CTAGE1: variants seen among roughly 807,000 people sequenced by gnomAD.
CTAGE1 encodes the protein cutaneous T cell lymphoma-associated antigen 1.
For synonymous variants in CTAGE1, 332 were observed against 302.8 expected (o/e 1.10, Z -1.00); for missense variants, 963 against 855.9 (o/e 1.13, Z -1.56).
rs756876468 is a variant in CTAGE1, at chr18:22,417,616, A to G, written c.196T>C (p.Phe66Leu). 4 of 1,614,000 alleles carry G rather than the reference A, an allele frequency of 2.5e-6. No individual in the cohort carries two copies. The highest frequency in any genetic ancestry group is 3.4e-6 in the Non-Finnish European group (4 of 1,179,876). Residue 66 changes from phenylalanine to leucine, a missense_variant, in exon 1 of 1, where the codon TTT (phenylalanine) becomes CTT (leucine). Coordinates refer to ENST00000391403, the MANE Select transcript of CTAGE1 (RefSeq NM_172241.3). ...TCATACTCTTTTTGAACAAGGCTAAATTTTTCAAGTAGTTTACATTTTTCT... is the reference window on the plus strand; with the variant it reads ...TCATACTCTTTTTGAACAAGGCTAAGTTTTTCAAGTAGTTTACATTTTTCT... ...IEEKCKLLEK[F>L]SLVQKEYEGY...
rs1310311893 is a variant in CTAGE1 at position 22,415,025 on chromosome 18, T to C, written c.*549A>G. 1.9e-6 allele frequency: 1 copy of C among 540,396 alleles called. No individual in the cohort carries two copies. The highest frequency in any genetic ancestry group is 1.9e-5 in the African/African-American group (1 of 52,830). The allele number at this position is 540,396 out of a possible 1,614,324, so 33.5% of individuals were successfully genotyped here. A position where few individuals can be genotyped will look rare whatever the true frequency, so the allele number is the denominator to read the frequency against. On this transcript the variant is annotated 3_prime_UTR_variant, in exon 1 of 1. Transcript: ENST00000391403. ...GACAGGAGATCCAAGATCATCTTGG[T>C]TTAAAGTGAAATATTCTAACAGTTA...
At position 22,415,488 on chromosome 18, in the gene CTAGE1, T is replaced by G; in HGVS notation, c.*86A>C. The stretch of plus-strand genomic sequence containing the variant: ...TTACTTTTGAAGAGGGCAAACATGT[T>G]GTTAGGTTTCTTGCTGTCGTTCTGG... On this transcript the variant is annotated 3_prime_UTR_variant, in exon 1 of 1. Transcript: ENST00000391403. The G allele has an allele frequency of 1.8e-6, 2 of 1,125,434 alleles. No homozygotes were observed. The highest frequency in any genetic ancestry group is 2.1e-4 in the Middle Eastern group (1 of 4,860). 69.7% of individuals were successfully genotyped at this position (1,125,434 alleles called of 1,614,324 possible).
chr18:22,416,599 C>A lies in CTAGE1; in HGVS notation c.1213G>T (p.Ala405Ser). Residue 405 changes from alanine (A) to serine (S), a missense_variant, in exon 1 of 1, where the codon GCC (alanine) becomes TCC (serine). Ala to Ser is a moderately conservative substitution (Grantham distance 99, BLOSUM62 1). Transcript: ENST00000391403. ...TTCTCAAATTCTTTAAGATCTTTGGCTCGCTTTCGGTAGGTCTCCAGCTCT... is the reference window on the plus strand; with the variant it reads ...TTCTCAAATTCTTTAAGATCTTTGGATCGCTTTCGGTAGGTCTCCAGCTCT... ...TEELETYRKR[A>S]KDLKEFEKTI... 1 of 1,610,784 alleles carries A rather than the reference C, an allele frequency of 6.2e-7. No homozygotes were observed. Among genetic ancestry groups the A allele is most frequent in the Non-Finnish European group, 8.5e-7 (1 of 1,179,422 alleles).
chr18:22,415,267 G>A lies in CTAGE1; in HGVS notation c.*307C>T, dbSNP rs2034995974. 1 of 296,326 alleles carries A rather than the reference G, an allele frequency of 3.4e-6. No individual in the cohort carries two copies. Among genetic ancestry groups the A allele is most frequent in the Non-Finnish European group, 6.1e-6 (1 of 162,604 alleles). 18.4% of individuals were successfully genotyped at this position (296,326 alleles called of 1,614,324 possible). On this transcript the variant is annotated 3_prime_UTR_variant, in exon 1 of 1. Transcript: ENST00000391403. ...TCCCACCATTCTTTATATAATAGTGGATTAATCAAATTAAAAGTTATACTA... is the reference window on the plus strand; with the variant it reads ...TCCCACCATTCTTTATATAATAGTGAATTAATCAAATTAAAAGTTATACTA...
rs941517751 is a variant in CTAGE1, at chr18:22,415,507, G to A, written c.*67C>T. 7 of 1,301,082 alleles carry A rather than the reference G, an allele frequency of 5.4e-6. No individual in the cohort carries two copies. The East Asian group carries it at 6.9e-5, about 13-fold the overall frequency. 80.6% of individuals were successfully genotyped at this position (1,301,082 alleles called of 1,614,324 possible). ...ACATGTTGTTAGGTTTCTTGCTGTC[G>A]TTCTGGATGTTCAGCAGCAGGCTCA... On this transcript the variant is annotated 3_prime_UTR_variant, in exon 1 of 1. Coordinates refer to ENST00000391403, the MANE Select transcript of CTAGE1 (RefSeq NM_172241.3).
At position 22,415,527 on chromosome 18, in the gene CTAGE1, G is replaced by A. The variant is rs756455321; in HGVS notation, c.*47C>T. The A allele has an allele frequency of 2.8e-6, 4 of 1,432,580 alleles. No individual in the cohort carries two copies. In the South Asian group the frequency reaches 5.4e-5, roughly 19 times the overall value. 88.7% of individuals were successfully genotyped at this position (1,432,580 alleles called of 1,614,324 possible). A position where few individuals can be genotyped will look rare whatever the true frequency, so the allele number is the denominator to read the frequency against. On this transcript the variant is annotated 3_prime_UTR_variant, in exon 1 of 1. Transcript: ENST00000391403. ...CTGTCGTTCTGGATGTTCAGCAGCA[G>A]GCTCATTTGAAGTCGGACTCAACCC...
In CTAGE1 at chr18:22,415,102, A is replaced by AT; in HGVS notation, c.*471dup. ...CATATTTATATATTTCTTTTTTTAA[A>AT]TTTTTTAAATTTTTTTAATCAACTA... On this transcript the variant is annotated 3_prime_UTR_variant, in exon 1 of 1. Coordinates refer to ENST00000391403, the MANE Select transcript of CTAGE1 (RefSeq NM_172241.3). The AT allele has an allele frequency of 4.1e-6, 1 of 242,382 alleles. No individual in the cohort carries two copies. Among genetic ancestry groups the AT allele is most frequent in the Non-Finnish European group, 7.8e-6 (1 of 128,632 alleles). 15.0% of individuals were successfully genotyped at this position (242,382 alleles called of 1,614,324 possible).
In CTAGE1 at chr18:22,415,875, T is replaced by A. The variant is rs773663399; in HGVS notation, c.1937A>T (p.Asp646Val). 1 of 1,613,938 alleles carries A rather than the reference T, an allele frequency of 6.2e-7. No individual in the cohort carries two copies. Among genetic ancestry groups the A allele is most frequent in the Admixed American group, 1.7e-5 (1 of 60,012 alleles). ...TTCATTTTCAGCGGGGAGAGATGAATCAGGCACCTTTAAATTACCAAGATT... is the reference window on the plus strand; with the variant it reads ...TTCATTTTCAGCGGGGAGAGATGAAACAGGCACCTTTAAATTACCAAGATT... Reference protein sequence around the residue: ...KDNLGNLKVPDSSLPAENEAT... With the variant: ...KDNLGNLKVPVSSLPAENEAT... Residue 646 changes from aspartate to valine, a missense_variant, in exon 1 of 1, where the codon GAT becomes GTT. Transcript: ENST00000391403.
rs185479567 is a variant in CTAGE1 at position 22,416,072 on chromosome 18, T to A, written c.1740A>T (p.Gly580=). 8 of 1,613,966 alleles carry A rather than the reference T, an allele frequency of 5.0e-6. No individual in the cohort carries two copies. The Admixed American group carries it at 1.0e-4, about 20-fold the overall frequency. The change falls in exon 1 of 1, where the codon GGA becomes GGT. Residue 580 remains glycine, a synonymous_variant. Transcript: ENST00000391403. ...QDYRMMFPPP[G]QSYPDSALPP... Reference sequence around the variant, plus strand: ...GGAGAGCTGAATCAGGATATGATTGTCCTGGTGGAGGAAACATCATCCTAT... The same window carrying A: ...GGAGAGCTGAATCAGGATATGATTGACCTGGTGGAGGAAACATCATCCTAT...
In CTAGE1 at chr18:22,414,504, C is replaced by A; in HGVS notation, c.*1070G>T. On this transcript the variant is annotated 3_prime_UTR_variant, in exon 1 of 1. Coordinates refer to ENST00000391403, the MANE Select transcript of CTAGE1 (RefSeq NM_172241.3). ...AAGAAGCAATGGCTTGGTGGCCCAG[C>A]TTGCATGAAGGACTAATCCAAAATT... is the stretch of plus-strand genomic sequence containing the variant. 1.7e-6 allele frequency: 1 copy of A among 581,898 alleles called. No homozygotes were observed. The highest frequency in any genetic ancestry group is 3.0e-6 in the Non-Finnish European group (1 of 330,588). 36.0% of individuals were successfully genotyped at this position (581,898 alleles called of 1,614,324 possible).
Position 22,416,533 on chromosome 18 carries a change from T to A in CTAGE1, c.1279A>T (p.Lys427Ter). 1 of 1,612,808 alleles carries A rather than the reference T, an allele frequency of 6.2e-7. No homozygotes were observed. Among genetic ancestry groups the A allele is most frequent in the Non-Finnish European group, 8.5e-7 (1 of 1,179,678 alleles). ...FYQKKIILHEKKAHDNWSAAW... is the reference protein window; with the variant it reads ...FYQKKIILHE ...GCCGACCAATTATCATGTGCTTTTT[T>A]CTCATGGAGAATAATCTTCTTTTGA... The change falls in exon 1 of 1, where the codon AAA (lysine) becomes TAA (stop). Residue 427 changes from lysine to a stop codon, truncating the protein, a stop_gained. Coordinates refer to ENST00000391403, the MANE Select transcript of CTAGE1 (RefSeq NM_172241.3). LOFTEE classifies it low-confidence loss of function (END_TRUNC).
rs750068905 is a variant in CTAGE1, at chr18:22,417,736, C to A, written c.76G>T (p.Val26Phe). 1.2e-6 allele frequency: 2 copies of A among 1,614,174 alleles called. No individual in the cohort carries two copies. Among genetic ancestry groups the A allele is most frequent in the South Asian group, 2.2e-5 (2 of 91,072 alleles). ...IRAAVAGFFA[V>F]LFLWRSFRSV... is the part of the protein sequence containing the mutation. ...CTAAAACTTCTCCACAAGAAGAGAACAGCAAAAAATCCAGCAACAGCTGCA... is the reference window on the plus strand; with the variant it reads ...CTAAAACTTCTCCACAAGAAGAGAAAAGCAAAAAATCCAGCAACAGCTGCA... The change falls in exon 1 of 1, where the codon GTT becomes TTT. Residue 26 changes from valine to phenylalanine, a missense_variant. Transcript: ENST00000391403.
At position 22,415,856 on chromosome 18, in the gene CTAGE1, T is replaced by G. The variant is rs779142037; in HGVS notation, c.1956A>C (p.Glu652Asp). The change falls in exon 1 of 1, where the codon GAA (glutamate) becomes GAC (aspartate). Residue 652 changes from glutamate (E) to aspartate (D), a missense_variant. Coordinates refer to ENST00000391403, the MANE Select transcript of CTAGE1 (RefSeq NM_172241.3). ...CAAAGCCAGGGCCAGTTGCTTCATT[T>G]TCAGCGGGGAGAGATGAATCAGGCA... Reference protein sequence around the residue: ...LKVPDSSLPAENEATGPGFVP... With the variant: ...LKVPDSSLPADNEATGPGFVP... 2.5e-5 allele frequency: 41 copies of G among 1,613,836 alleles called. No homozygotes were observed. The highest frequency in any genetic ancestry group is 3.5e-5 in the Non-Finnish European group (41 of 1,179,872).
Position 22,416,946 on chromosome 18 carries a change from G to C in CTAGE1, c.866C>G (p.Ala289Gly), listed in dbSNP as rs376589036. The change falls in exon 1 of 1, where the codon GCT becomes GGT. Residue 289 changes from alanine (A) to glycine (G), a missense_variant. Transcript: ENST00000391403. Reference sequence around the variant, plus strand: ...TTTTAAGGAAGCATTTAACTTAGCAGCATGAATCAGTTTCTTCAAAGCTCC... The same window carrying C: ...TTTTAAGGAAGCATTTAACTTAGCACCATGAATCAGTTTCTTCAAAGCTCC... ...PKGALKKLIHAAKLNASLKTL... is the reference protein window; with the variant it reads ...PKGALKKLIHGAKLNASLKTL... 2 of 1,613,968 alleles carry C rather than the reference G, an allele frequency of 1.2e-6. No individual in the cohort carries two copies. Among genetic ancestry groups the C allele is most frequent in the Non-Finnish European group, 1.7e-6 (2 of 1,179,894 alleles).
rs563242342 is a variant in CTAGE1 at position 22,417,266 on chromosome 18, C to A, written c.546G>T (p.Trp182Cys). Residue 182 changes from tryptophan (W) to cysteine (C), a missense_variant, in exon 1 of 1, where the codon TGG becomes TGT. By Grantham distance (215) the Trp-to-Cys change is radical. Transcript: ENST00000391403. ...TTTCCTGAAGTTCAGAATTTTCTTT[C>A]CAAGCATCTTGTATTTCTATCTCCA... ...ERLEIEIQDA[W>C]KENSELQESQ... is the part of the protein sequence containing the mutation. The A allele has an allele frequency of 5.6e-6, 9 of 1,613,896 alleles. No individual in the cohort carries two copies. Among genetic ancestry groups the A allele is most frequent in the Non-Finnish European group, 3.4e-6 (4 of 1,179,846 alleles).
Position 22,414,594 on chromosome 18 carries a change from C to A in CTAGE1, c.*980G>T. ...TAACAGAATTCCAGAGAAGAGAGCT[C>A]AATCAGAGATCAAATTCACCAACTG... On this transcript the variant is annotated 3_prime_UTR_variant, in exon 1 of 1. Coordinates refer to ENST00000391403, the MANE Select transcript of CTAGE1 (RefSeq NM_172241.3). 1.5e-6 allele frequency: 1 copy of A among 680,620 alleles called. No individual in the cohort carries two copies. The highest frequency in any genetic ancestry group is 1.6e-5 in the South Asian group (1 of 62,584). 42.2% of individuals were successfully genotyped at this position (680,620 alleles called of 1,614,324 possible).
Position 22,414,789 on chromosome 18 carries a change from C to A in CTAGE1, c.*785G>T. The A allele has an allele frequency of 2.8e-6, 2 of 702,620 alleles. No homozygotes were observed. Among genetic ancestry groups the A allele is most frequent in the Middle Eastern group, 2.3e-4 (1 of 4,294 alleles). 43.5% of individuals were successfully genotyped at this position (702,620 alleles called of 1,614,324 possible). A position where few individuals can be genotyped will look rare whatever the true frequency, so the allele number is the denominator to read the frequency against. On this transcript the variant is annotated 3_prime_UTR_variant, in exon 1 of 1. Transcript: ENST00000391403. ...AGTAAAAGTTCTGGATAAAGTTGTT[C>A]CCACCAAATAAAAATAAAACAAAAG...
chr18:22,416,210 A>G lies in CTAGE1; in HGVS notation c.1602T>C (p.Pro534=), dbSNP rs768095711. The change falls in exon 1 of 1, where the codon CCT becomes CCC. Residue 534 remains proline, a synonymous_variant. Transcript: ENST00000391403. ...GGRGSRGPGN[P]PDHQITKERG... Reference sequence around the variant, plus strand: ...TTTCTTTGGTAATCTGATGGTCCGGAGGATTCCCTGGGCCTCTGGAGCCTC... The same window carrying G: ...TTTCTTTGGTAATCTGATGGTCCGGGGGATTCCCTGGGCCTCTGGAGCCTC... 1.1e-5 allele frequency: 18 copies of G among 1,613,786 alleles called. No homozygotes were observed. Among genetic ancestry groups the G allele is most frequent in the East Asian group, 2.2e-5 (1 of 44,874 alleles).
At position 22,416,398 on chromosome 18, in the gene CTAGE1, A is replaced by G. The variant is rs759928938; in HGVS notation, c.1414T>C (p.Tyr472His). Residue 472 changes from tyrosine to histidine, a missense_variant, in exon 1 of 1, where the codon TAT becomes CAT. Coordinates refer to ENST00000391403, the MANE Select transcript of CTAGE1 (RefSeq NM_172241.3). Reference protein sequence around the residue: ...FKIKLLEKDPYGLDVPNTAFG... With the variant: ...FKIKLLEKDPHGLDVPNTAFG... ...GCTGTATTTGGAACATCAAGTCCAT[A>G]AGGATCTTTTTCTAAAAGTTTTATT... 1.9e-6 allele frequency: 3 copies of G among 1,613,752 alleles called. No individual in the cohort carries two copies. The highest frequency in any genetic ancestry group is 2.5e-6 in the Non-Finnish European group (3 of 1,179,802).
Sources: allele counts gnomAD v4.1 joint callset, GRCh38; gene constraint gnomAD v4.1.1; transcripts MANE v1.5; gene names NCBI Gene and HGNC (gene_info 2026-07-23, HGNC 2026-07-21).